The following DENND4C variants were observed in gnomAD, a reference collection of about 807,000 sequenced individuals.
The protein encoded by DENND4C is DENN domain containing 4C.
In DENND4C, 108 loss-of-function variants were observed where a neutral mutation model predicts 203.0. The ratio of observed to expected loss-of-function variants is 0.53; its 90% CI spans 0.46 to 0.62. The LOEUF (loss-of-function observed/expected upper bound fraction) is 0.62, where lower values mean the gene tolerates loss of function less well. Among genes scored for constraint, DENND4C ranks in the 20% least tolerant of loss-of-function variants. DENND4C has a pLI of 0.00. For synonymous variants in DENND4C, 871 were observed against 792.4 expected, an observed-to-expected ratio of 1.10 and a Z score of -1.67; for missense variants, 2,481 against 2,301.2, an observed-to-expected ratio of 1.08 and a Z score of -1.60.
chr9:19,276,480 G>A lies in DENND4C; in HGVS notation c.305+1G>A. The A allele has an allele frequency of 8.1e-7, 1 of 1,231,766 alleles. No homozygotes were observed. The highest frequency in any genetic ancestry group is 1.0e-6 in the Non-Finnish European group (1 of 987,672). 76.3% of individuals were successfully genotyped at this position (1,231,766 alleles called of 1,614,324 possible). On this transcript the variant is annotated splice_donor_variant, in intron 2 of 32. Coordinates refer to ENST00000434457, the MANE Select transcript of DENND4C (RefSeq NM_001330640.2). LOFTEE classifies it high-confidence loss of function. ...ATAAACCACCGCTTACAGATATTGG[G>A]TATGGTGACTTCTTTTCTTTGCTAT...
rs1563774119 is a variant in DENND4C at position 19,296,002 on chromosome 9, CTT to C, written c.802-4_802-3del. On this transcript the variant is annotated splice_region_variant and splice_polypyrimidine_tract_variant and intron_variant, in intron 5 of 32. Coordinates refer to ENST00000434457, the MANE Select transcript of DENND4C (RefSeq NM_001330640.2). ...AATCTTATAACAGAATTCTGTTACT[CTT>C]TAGGTATATGGAGCTGCCATTCAGT... 6.3e-7 allele frequency: 1 copy of C among 1,593,776 alleles called. No homozygotes were observed. Among genetic ancestry groups the C allele is most frequent in the South Asian group, 1.1e-5 (1 of 89,308 alleles).
rs908367980 is a variant in DENND4C, at chr9:19,358,081, T to C, written c.5081T>C (p.Leu1694Ser). ...CGAAGTCACAGTGTTGGAGGCCCAT[T>C]GCAGAATATTGACTTTACCCAGCGA... The part of the protein sequence containing the change: ...LTRSHSVGGP[L>S]QNIDFTQRPF... The change falls in exon 28 of 33, where the codon TTG (leucine) becomes TCG (serine). Residue 1694 changes from leucine (L) to serine (S), a missense_variant. Physicochemically the swap from Leu to Ser is moderately radical, Grantham distance 145. This residue lies in a region of DENND4C where 2,289 missense variants were observed against 2,113.3 expected (regional missense o/e 1.08). Coordinates refer to ENST00000434457, the MANE Select transcript of DENND4C (RefSeq NM_001330640.2). The surrounding 1 kb of genome is among the most constrained non-coding windows in gnomAD (Gnocchi z 4.8). 1.2e-6 allele frequency: 2 copies of C among 1,613,870 alleles called. No homozygotes were observed. Among genetic ancestry groups the C allele is most frequent in the Non-Finnish European group, 8.5e-7 (1 of 1,179,870 alleles).
intron 1 of DENND4C, among the ~76,000 whole-genome samples, chr9:19,231,080 C>T (rs939900803): frequency 1.3e-5 from 2 of 152,234 alleles, no homozygotes; most frequent in Non-Finnish European, 1.5e-5. Flanking sequence ...GGAAAGGCTG[C>T]CCCTGAAGAG....
chr9:19,285,803 T>A (rs1231668886), intron 2 of DENND4C, among the ~76,000 whole-genome samples: 3 of 152,196 alleles, frequency 2.0e-5, no homozygotes, highest in East Asian at 1.9e-4. Context: ...CAACACTACA[T>A]ATTGAAAAGA....
At chr9:19,276,917 G>A (rs1184017539) in intron 2 of DENND4C, among the ~76,000 whole-genome samples, 3 of 151,882 alleles carry the variant, frequency 2.0e-5, no homozygotes, top group African/African-American at 4.8e-5. Flanking sequence ...CAGTTGTAAC[G>A]TGTGGCTTTC....
chr9:19,276,286 G>C lies in DENND4C; in HGVS notation c.112G>C (p.Gly38Arg). The change falls in exon 2 of 33, where the codon GGA (glycine) becomes CGA (arginine). Residue 38 changes from glycine to arginine, a missense_variant. Physicochemically the swap from Gly to Arg is moderately radical, Grantham distance 125. Around this residue, in one of 3 missense-constraint regions of DENND4C, gnomAD observed 187 missense variants for 167.4 expected, o/e 1.12. Transcript: ENST00000434457. ...EINRLDTKST[G>R]PKAPITDIAI... ...AAATCGTTTAGATACTAAGTCAACT[G>C]GACCTAAAGCTCCAATTACAGACAT... The C allele has an allele frequency of 1.6e-6, 2 of 1,232,024 alleles. No homozygotes were observed. Among genetic ancestry groups the C allele is most frequent in the Non-Finnish European group, 2.0e-6 (2 of 987,916 alleles). 76.3% of individuals were successfully genotyped at this position (1,232,024 alleles called of 1,614,324 possible). A position where few individuals can be genotyped will look rare whatever the true frequency, so the allele number is the denominator to read the frequency against.
intron 30 of DENND4C, among the ~76,000 whole-genome samples, chr9:19,365,217 G>A (rs920603188): frequency 6.6e-6 from 1 of 152,160 alleles, no homozygotes; most frequent in Non-Finnish European, 1.5e-5. Flanking sequence ...GACAAAGTGG[G>A]ATTTATCTCA....
rs1825775048 is a variant in DENND4C at position 19,358,137 on chromosome 9, C to T, written c.5137C>T (p.Pro1713Ser). ...TCATGGCATCTCAACAGTTAGTCTT[C>T]CAAATAGTCTGCAGGAAGTTGTGGT... ...PFHGISTVSL[P>S]NSLQEVVDPL... The change falls in exon 28 of 33, where the codon CCA becomes TCA. Residue 1713 changes from proline to serine, a missense_variant. Around this residue, in one of 3 missense-constraint regions of DENND4C, gnomAD observed 2,289 missense variants for 2,113.3 expected, o/e 1.08. Coordinates refer to ENST00000434457, the MANE Select transcript of DENND4C (RefSeq NM_001330640.2). The surrounding 1 kb of genome is among the most constrained non-coding windows in gnomAD (Gnocchi z 4.8). 3 of 1,613,378 alleles carry T rather than the reference C, an allele frequency of 1.9e-6. No individual in the cohort carries two copies. The highest frequency in any genetic ancestry group is 1.3e-5 in the African/African-American group (1 of 74,882).
intron 16 of DENND4C, among the ~76,000 whole-genome samples, chr9:19,329,305 A>G (rs1255003431): frequency 6.6e-6 from 1 of 152,196 alleles, no homozygotes; most frequent in African/African-American, 2.4e-5. Flanking sequence ...CAAGAGTAGA[A>G]CTGCATAATA....
chr9:19,322,863 G>C (rs1843121633), intron 12 of DENND4C, among the ~76,000 whole-genome samples: 1 of 152,042 alleles, frequency 6.6e-6, no homozygotes, highest in Non-Finnish European at 1.5e-5. Context: ...AAGGAGACCA[G>C]ATAGGCAGAG....
intron 1 of DENND4C, among the ~76,000 whole-genome samples, chr9:19,274,186 A>G (rs984728658): frequency 6.6e-6 from 1 of 152,090 alleles, no homozygotes; most frequent in African/African-American, 2.4e-5. Flanking sequence ...TCTACTTATT[A>G]TATAAATTCT....
intron 1 of DENND4C, among the ~76,000 whole-genome samples, chr9:19,262,290 G>A (rs530198215): frequency 6.6e-6 from 1 of 151,824 alleles, no homozygotes; most frequent in African/African-American, 2.4e-5. Context: ...GTTTCACCAT[G>A]TTGGCCAGGC....
intron 29 of DENND4C, among the ~76,000 whole-genome samples, chr9:19,360,788 G>C (rs1316105194): frequency 6.6e-6 from 1 of 152,162 alleles, no homozygotes; most frequent in Admixed American, 6.5e-5. Context: ...TGGATGGAGA[G>C]GAGAGTATGT....
intron 1 of DENND4C, among the ~76,000 whole-genome samples, chr9:19,243,584 T>C (rs1319649426): frequency 6.6e-6 from 1 of 152,210 alleles, no homozygotes; most frequent in African/African-American, 2.4e-5. Context: ...TTGCCTATTG[T>C]GGATATTCCT....
intron 9 of DENND4C, among the ~76,000 whole-genome samples, chr9:19,301,105 G>T (rs1214864261): frequency 6.6e-6 from 1 of 152,006 alleles, no homozygotes; most frequent in East Asian, 1.9e-4. Flanking sequence ...TTGAACCCAG[G>T]AGGCGGAGGT....
intron 1 of DENND4C, among the ~76,000 whole-genome samples, chr9:19,241,798 G>A (rs1407211284): frequency 2.6e-5 from 4 of 151,874 alleles, no homozygotes; most frequent in East Asian, 1.9e-4. Context: ...TGGGACGATC[G>A]CTTGAGCTCA....
chr9:19,273,251 A>G (rs549819670), intron 1 of DENND4C, among the ~76,000 whole-genome samples: 2 of 151,584 alleles, frequency 1.3e-5, no homozygotes, highest in East Asian at 1.9e-4. Flanking sequence ...GCGCCTGGCA[A>G]TTTTTGTATT....
At chr9:19,282,224 G>A (rs1057028136) in intron 2 of DENND4C, among the ~76,000 whole-genome samples, 9 of 150,926 alleles carry the variant, frequency 6.0e-5, no homozygotes, top group Non-Finnish European at 3.0e-5. Context: ...AAGTTTTTTT[G>A]TATTTTAAAA....
chr9:19,231,223 C>T (rs757444960), intron 1 of DENND4C, among the ~76,000 whole-genome samples: 30 of 152,098 alleles, frequency 2.0e-4, no homozygotes, highest in Non-Finnish European at 3.5e-4. Context: ...ATCGGGGCTT[C>T]CCAGAGGGGG....
Sources: allele counts gnomAD v4.1 joint callset (sites outside exome capture counted in the v4.1 genomes callset), GRCh38; gene constraint gnomAD v4.1.1; regional missense constraint gnomAD v4.1.1; non-coding constraint Gnocchi (gnomAD v3.1); transcripts MANE v1.5; gene names NCBI Gene and HGNC (gene_info 2026-07-23, HGNC 2026-07-21).